The following RBP4 variants were observed in gnomAD, a reference collection of about 807,000 sequenced individuals.
The protein encoded by RBP4 is retinol binding protein 4.
In RBP4, 9 loss-of-function variants were observed where a neutral mutation model predicts 26.2. That is an observed-to-expected ratio of 0.34 (90% CI 0.21 to 0.60). The LOEUF is 0.60. Among genes scored for constraint, RBP4 ranks in the 20% least tolerant of loss-of-function variants. The pLI, the probability that RBP4 is intolerant of heterozygous loss-of-function variation, is 0.80. For synonymous variants in RBP4, 114 were observed against 111.0 expected (o/e 1.03, Z -0.17); for missense variants, 244 against 271.3 (o/e 0.90, Z 0.71).
At chr10:93,601,350 G>A, upstream of RBP4, 2 of 1,242,048 alleles carry the variant, frequency 1.6e-6, no homozygotes, top group South Asian at 7.1e-5. Flanking sequence ...TGCATAACGC[G>A]CCCTGACTCA....
chr10:93,593,769 T>G (rs2058282491), intron 5 of RBP4, 54 bp downstream of exon 5: 2 of 1,587,320 alleles, frequency 1.3e-6, no homozygotes, highest in African/African-American at 2.7e-5. Context: ...GGCCCCTTAG[T>G]CCAAACCCAC....
rs369036602 is a variant in RBP4, at chr10:93,591,951, T to G, written c.*124A>C. On this transcript the variant is annotated 3_prime_UTR_variant, in exon 6 of 6. Coordinates refer to ENST00000371464, the MANE Select transcript of RBP4 (RefSeq NM_006744.4). ...CCCCCACGTGTATCTTTATGTGTAA[T>G]GAAGGTTTTATGGGAACTGAGGGAA... The G allele has an allele frequency of 1.2e-6, 1 of 842,552 alleles. No homozygotes were observed. The highest frequency in any genetic ancestry group is 2.0e-6 in the Non-Finnish European group (1 of 493,366). 52.2% of individuals were successfully genotyped at this position (842,552 alleles called of 1,614,324 possible).
At chr10:93,597,608 G>T (rs1036989896) in intron 4 of RBP4, among the ~76,000 whole-genome samples, 1 of 152,216 alleles carries the variant, frequency 6.6e-6, no homozygotes, top group African/African-American at 2.4e-5. Flanking sequence ...GGGAAGACCA[G>T]TATGGAGCAT....
At chr10:93,595,679 G>C (rs1221278403) in intron 4 of RBP4, among the ~76,000 whole-genome samples, 2 of 152,238 alleles carry the variant, frequency 1.3e-5, no homozygotes. Context: ...GAGGGTGTAA[G>C]GCCACCTGGA....
chr10:93,592,472 T>C (rs1290489882), intron 5 of RBP4, among the ~76,000 whole-genome samples: 1 of 152,182 alleles, frequency 6.6e-6, no homozygotes, highest in Non-Finnish European at 1.5e-5. Context: ...TGGGACACAC[T>C]GGTGATGGTT....
At chr10:93,600,625 C>T (rs753891505) in intron 3 of RBP4, 42 bp downstream of exon 3, 12 of 1,612,478 alleles carry the variant, frequency 7.4e-6, no homozygotes, top group South Asian at 1.1e-5. Flanking sequence ...CCTTGGGGAA[C>T]CCTGGAGCGC....
chr10:93,600,655 G>T lies in RBP4; in HGVS notation c.248+12C>A. On this transcript the variant is annotated intron_variant, in intron 3 of 5. Coordinates refer to ENST00000371464, the MANE Select transcript of RBP4 (RefSeq NM_006744.4). ...GAGCGCAAAGGGCGCAGCTGCCCCG[G>T]CGGCCACTGACTTCAAAAGACGGAC... is the stretch of plus-strand genomic sequence containing the variant. 6.2e-7 allele frequency: 1 copy of T among 1,611,960 alleles called. No individual in the cohort carries two copies. Among genetic ancestry groups the T allele is most frequent in the South Asian group, 1.1e-5 (1 of 90,648 alleles).
chr10:93,599,255 A>AAT (rs1564790121), intron 4 of RBP4, among the ~76,000 whole-genome samples: 1 of 150,696 alleles, frequency 6.6e-6, no homozygotes, highest in African/African-American at 2.4e-5. Context: ...TCTAAAAAAA[A>AAT]AATAATAATA....
At position 93,600,997 on chromosome 10, in the gene RBP4, G is replaced by A. The variant is rs1287578767; in HGVS notation, c.32C>T (p.Ala11Val). Residue 11 changes from alanine to valine, a missense_variant, in exon 2 of 6, where the codon GCG becomes GTG. By Grantham distance (64) the Ala-to-Val change is moderately conservative. Coordinates refer to ENST00000371464, the MANE Select transcript of RBP4 (RefSeq NM_006744.4). ...CTCCGCGCGGCCGCTGCCCAGCGCC[G>A]CCAACAGCAAGAGCGCCCACACCCA... MKWVWALLLL[A>V]ALGSGRAERD... 6.2e-7 allele frequency: 1 copy of A among 1,611,906 alleles called. No homozygotes were observed. The highest frequency in any genetic ancestry group is 8.5e-7 in the Non-Finnish European group (1 of 1,179,698).
At chr10:93,598,763 C>T (rs2058316984) in intron 4 of RBP4, among the ~76,000 whole-genome samples, 1 of 152,220 alleles carries the variant, frequency 6.6e-6, no homozygotes, top group South Asian at 2.1e-4. Context: ...AGGAGCACAT[C>T]TCAAAATGCT....
At chr10:93,594,853 T>C (rs2058292969) in intron 4 of RBP4, among the ~76,000 whole-genome samples, 1 of 152,154 alleles carries the variant, frequency 6.6e-6, no homozygotes, top group East Asian at 1.9e-4. Context: ...TTAGAGTATA[T>C]GTGTGGCCGG....
At chr10:93,598,474 T>C (rs2058315614) in intron 4 of RBP4, among the ~76,000 whole-genome samples, 1 of 152,260 alleles carries the variant, frequency 6.6e-6, no homozygotes, top group African/African-American at 2.4e-5. Context: ...ACTACAACAC[T>C]GCACAGCTTC....
At chr10:93,596,200 AC>A (rs2058301712) in intron 4 of RBP4, among the ~76,000 whole-genome samples, 2 of 142,632 alleles carry the variant, frequency 1.4e-5, no homozygotes, top group South Asian at 2.2e-4. Context: ...CGGCAGCTTA[AC>A]TTTTTTTTTT....
upstream of RBP4, chr10:93,601,413 A>G: frequency 1.6e-6 from 2 of 1,272,192 alleles, no homozygotes; most frequent in Non-Finnish European, 2.0e-6. Context: ...CCTCCAGGAC[A>G]GCCTCGGGCA....
chr10:93,593,719 T>G, intron 5 of RBP4, 104 bp downstream of exon 5: 1 of 1,340,750 alleles, frequency 7.5e-7, no homozygotes, highest in Non-Finnish European at 1.1e-6. Flanking sequence ...AACCCCTGTT[T>G]TCTCTGGGGT....
chr10:93,598,642 A>T (rs1410967509), intron 4 of RBP4, among the ~76,000 whole-genome samples: 1 of 152,248 alleles, frequency 6.6e-6, no homozygotes, highest in Non-Finnish European at 1.5e-5. Context: ...GACAAAAGCA[A>T]ACTAATCTGG....
chr10:93,601,315 C>A, upstream of RBP4: 2 of 1,224,016 alleles, frequency 1.6e-6, no homozygotes, highest in Non-Finnish European at 2.0e-6. Flanking sequence ...GGGTGAAAGA[C>A]CGAAGGGGAG....
At chr10:93,594,086 C>T (rs749469951) in intron 4 of RBP4, 51 bp from the exon 5 acceptor site, 1 of 1,572,134 alleles carries the variant, frequency 6.4e-7, no homozygotes, top group Non-Finnish European at 8.7e-7. Flanking sequence ...CTCATGGGCT[C>T]AGATGTCGGA....
intron 4 of RBP4, among the ~76,000 whole-genome samples, chr10:93,596,190 C>G (rs751310252): frequency 6.7e-6 from 1 of 149,942 alleles, no homozygotes; most frequent in South Asian, 2.1e-4. Flanking sequence ...CTTGGCCGAT[C>G]GGCAGCTTAA....
Sources: allele counts gnomAD v4.1 joint callset (sites outside exome capture counted in the v4.1 genomes callset), GRCh38; gene constraint gnomAD v4.1.1; transcripts MANE v1.5; gene names NCBI Gene and HGNC (gene_info 2026-07-23, HGNC 2026-07-21).